WDR64: variants seen among roughly 807,000 people sequenced by gnomAD.
WDR64 encodes the protein WD repeat-containing protein 64.
In WDR64, 112 loss-of-function variants were observed where a neutral mutation model predicts 139.3. The observed-to-expected ratio is 0.80, with a 90% confidence interval of 0.69 to 0.94. The LOEUF (loss-of-function observed/expected upper bound fraction) is 0.94. Ranked by LOEUF, WDR64 falls within the 40% of genes least tolerant of loss-of-function variation. WDR64 has a pLI of 0.00. For missense variants in WDR64, 1,206 were observed against 1,293.1 expected, an observed-to-expected ratio of 0.93 and a Z score of 1.03; for synonymous variants, 444 against 437.7, an observed-to-expected ratio of 1.01 and a Z score of -0.18.
At chr1:241,686,841 T>C (rs1170414785) in intron 7 of WDR64, among the ~76,000 whole-genome samples, 2 of 152,230 alleles carry the variant, frequency 1.3e-5, no homozygotes, top group Admixed American at 1.3e-4. Flanking sequence ...ATATGAAGCA[T>C]ACTGCTCCAT....
intron 21 of WDR64, among the ~76,000 whole-genome samples, chr1:241,775,475 G>A (rs1658626988): frequency 6.6e-6 from 1 of 152,134 alleles, no homozygotes; most frequent in African/African-American, 2.4e-5. Flanking sequence ...CTACCCATCT[G>A]TGTATCTTAC....
Position 241,768,143 on chromosome 1 carries a change from G to C in WDR64, c.2082-1261G>C, listed in dbSNP as rs369483716. Among the ~76,000 whole-genome samples, 9 of 152,308 alleles carry C rather than the reference G, an allele frequency of 5.9e-5. No homozygotes were observed. The East Asian group carries it at 1.7e-3, about 29-fold the overall frequency. On this transcript the variant is annotated intron_variant, in intron 16 of 27. Coordinates refer to ENST00000437684, the MANE Select transcript of WDR64 (RefSeq NM_001367482.1). ...AAAGGTGAAGATCCTCCTTGTTAAAGTGCCTTGTTATTTTGCCAAGGGATG... is the reference window on the plus strand; with the variant it reads ...AAAGGTGAAGATCCTCCTTGTTAAACTGCCTTGTTATTTTGCCAAGGGATG...
intron 22 of WDR64, among the ~76,000 whole-genome samples, chr1:241,780,486 C>T (rs1160424334): frequency 6.6e-6 from 1 of 152,140 alleles, no homozygotes; most frequent in African/African-American, 2.4e-5. Context: ...TTCTTCCTAA[C>T]ATTAAAGCAC....
intron 14 of WDR64, among the ~76,000 whole-genome samples, chr1:241,755,526 G>C (rs953740573): frequency 6.6e-6 from 1 of 152,118 alleles, no homozygotes; most frequent in African/African-American, 2.4e-5. Context: ...TCACTCTGAT[G>C]ATAGTTTCTT....
intron 22 of WDR64, among the ~76,000 whole-genome samples, chr1:241,781,849 C>A (rs1302728088): frequency 1.3e-5 from 2 of 152,316 alleles, no homozygotes; most frequent in Middle Eastern, 3.4e-3. Context: ...TTGTTTCAGA[C>A]ACATGTGCAA....
chr1:241,794,408 A>C (rs1416862710), intron 25 of WDR64, among the ~76,000 whole-genome samples: 1 of 151,988 alleles, frequency 6.6e-6, no homozygotes, highest in Non-Finnish European at 1.5e-5. Context: ...AAGTAACTTA[A>C]CTGAAACACT....
chr1:241,755,230 CTGT>C (rs1670138913), intron 14 of WDR64, among the ~76,000 whole-genome samples: 2 of 152,318 alleles, frequency 1.3e-5, no homozygotes, highest in African/African-American at 4.8e-5. Flanking sequence ...TCTCCAGCAT[CTGT>C]TGTTTCCTGA....
At chr1:241,779,509 A>G (rs992212260) in intron 21 of WDR64, among the ~76,000 whole-genome samples, 6 of 152,210 alleles carry the variant, frequency 3.9e-5, no homozygotes, top group Non-Finnish European at 5.9e-5. Flanking sequence ...ACCAAGACAG[A>G]AACAAAATAA....
intron 8 of WDR64, among the ~76,000 whole-genome samples, chr1:241,698,153 T>G (rs1224801757): frequency 1.3e-5 from 2 of 152,208 alleles, no homozygotes; most frequent in Non-Finnish European, 1.5e-5. Flanking sequence ...TGATCATATC[T>G]GAGCTTAACT....
chr1:241,718,878 T>C (rs1668500737), intron 9 of WDR64, among the ~76,000 whole-genome samples: 1 of 152,068 alleles, frequency 6.6e-6, no homozygotes, highest in South Asian at 2.1e-4. Flanking sequence ...AGCTGGTGTC[T>C]CTTCTAATAA....
chr1:241,677,611 C>T (rs960509211), intron 4 of WDR64, among the ~76,000 whole-genome samples: 2 of 152,214 alleles, frequency 1.3e-5, no homozygotes, highest in African/African-American at 4.8e-5. Context: ...TATACAGTAG[C>T]TCTCTGCATG....
intron 27 of WDR64, among the ~76,000 whole-genome samples, chr1:241,796,690 C>T (rs1476416013): frequency 7.9e-5 from 12 of 152,212 alleles, no homozygotes; most frequent in Middle Eastern, 3.4e-3. Flanking sequence ...GATGGGGTTT[C>T]GCCTTGTTGG....
intron 15 of WDR64, among the ~76,000 whole-genome samples, 196 bp downstream of exon 15, chr1:241,757,655 T>G (rs564949611): frequency 1.2e-4 from 17 of 143,844 alleles, no homozygotes; most frequent in Non-Finnish European, 2.1e-4. Flanking sequence ...ATTTGTTTTT[T>G]TTTTTTTTTT....
At chr1:241,759,692 CCTTT>C (rs768124256) in intron 15 of WDR64, among the ~76,000 whole-genome samples, 12 of 152,022 alleles carry the variant, frequency 7.9e-5, no homozygotes, top group African/African-American at 1.2e-4. Context: ...GAGATCTTCA[CCTTT>C]CTTTTTTTTT....
Position 241,738,344 on chromosome 1 carries a change from GTGTT to G in WDR64, c.1195-14_1195-11del. On this transcript the variant is annotated splice_polypyrimidine_tract_variant and intron_variant, in intron 10 of 27. Transcript: ENST00000437684. ...AGGTGAGTATAAATAGTGGTAAACT[GTGTT>G]TGTTATTCTTCCAGGTTTTCCGGGT... 6.2e-7 allele frequency: 1 copy of G among 1,609,894 alleles called. No homozygotes were observed. Among genetic ancestry groups the G allele is most frequent in the Non-Finnish European group, 8.5e-7 (1 of 1,178,690 alleles).
At chr1:241,702,340 GTTC>G (rs1667749005) in intron 8 of WDR64, among the ~76,000 whole-genome samples, 3 of 152,218 alleles carry the variant, frequency 2.0e-5, no homozygotes, top group African/African-American at 7.2e-5. Flanking sequence ...TTTACCATTA[GTTC>G]TTCTTACCTC....
chr1:241,683,534 G>A lies in WDR64; in HGVS notation c.672G>A (p.Val224=). Reference sequence around the variant, plus strand: ...CAATGGATCACTGCCTCCTGTGTGTGTGTGTGGTGCCTTTGCCTGACCATC... The same window carrying A: ...CAATGGATCACTGCCTCCTGTGTGTATGTGTGGTGCCTTTGCCTGACCATC... ...IKPMDHCLLC[V]CVVPLPDHLC... Residue 224 remains valine, a synonymous_variant, in exon 7 of 28, where the codon GTG becomes GTA. Transcript: ENST00000437684. 6.4e-7 allele frequency: 1 copy of A among 1,551,822 alleles called. No individual in the cohort carries two copies. Among genetic ancestry groups the A allele is most frequent in the Non-Finnish European group, 8.7e-7 (1 of 1,147,022 alleles).
At chr1:241,749,909 G>A (rs535345225) in intron 14 of WDR64, among the ~76,000 whole-genome samples, 187 bp downstream of exon 14, 8 of 152,204 alleles carry the variant, frequency 5.3e-5, no homozygotes, top group Middle Eastern at 3.4e-3. Context: ...AAAAACAATC[G>A]CTGCCCAGCC....
At chr1:241,795,081 T>C in intron 25 of WDR64, 126 bp from the exon 26 acceptor site, 4 of 713,078 alleles carry the variant, frequency 5.6e-6, no homozygotes, top group Non-Finnish European at 2.4e-6. Context: ...TTCTCATAAC[T>C]AGGTAACAGG....
Sources: allele counts gnomAD v4.1 joint callset (sites outside exome capture counted in the v4.1 genomes callset), GRCh38; gene constraint gnomAD v4.1.1; transcripts MANE v1.5; gene names NCBI Gene and HGNC (gene_info 2026-07-23, HGNC 2026-07-21).